The following NLRP3 variants were observed in gnomAD, a reference collection of about 807,000 sequenced individuals.
NLRP3 encodes the protein NLR family pyrin domain containing 3.
Under a neutral mutation model 91.3 loss-of-function variants are expected in NLRP3, and 48 were observed. That is an observed-to-expected ratio of 0.53 (90% CI 0.42 to 0.67). NLRP3 has a LOEUF of 0.67. NLRP3 is among the 30% of genes least tolerant of loss of function. The pLI, the probability that NLRP3 is intolerant of heterozygous loss-of-function variation, is 0.00. For synonymous variants in NLRP3, 561 were observed against 507.9 expected, an observed-to-expected ratio of 1.10 and a Z score of -1.41; for missense variants, 982 against 1,276.9, an observed-to-expected ratio of 0.77 and a Z score of 3.52.
chr1:247,431,516 G>A (rs563808331), intron 5 of NLRP3, among the ~76,000 whole-genome samples: 11 of 152,246 alleles, frequency 7.2e-5, no homozygotes, highest in Admixed American at 5.2e-4. Flanking sequence ...GTCACCACTT[G>A]CCTGGACACG....
rs902702898 is a variant in NLRP3 at position 247,425,721 on chromosome 1, T to A, written c.2150+122T>A. On this transcript the variant is annotated intron_variant, in intron 4 of 9. Transcript: ENST00000336119. This position sits in a 1 kb window ranked among gnomAD's most constrained non-coding sequence, Gnocchi z 4.1. ...TACTGTTGCCACAGCTACATCATAA[T>A]GCCACCACTGTCTGTTTGAGACTCC... is the stretch of plus-strand genomic sequence containing the variant. The A allele has an allele frequency of 2.3e-6, 2 of 879,684 alleles. No individual in the cohort carries two copies. Among genetic ancestry groups the A allele is most frequent in the Admixed American group, 2.0e-5 (1 of 50,632 alleles). 54.5% of individuals were successfully genotyped at this position (879,684 alleles called of 1,614,324 possible). A position where few individuals can be genotyped will look rare whatever the true frequency, so the allele number is the denominator to read the frequency against.
In NLRP3 at chr1:247,418,589, A is replaced by C. The variant is rs763505347; in HGVS notation, c.-212A>C. On this transcript the variant is annotated 5_prime_UTR_variant, in exon 2 of 10. Coordinates refer to ENST00000336119, the MANE Select transcript of NLRP3 (RefSeq NM_001243133.2). Reference sequence around the variant, plus strand: ...AGTGCTGGGATTACAGGCGTGAGCCACTGTGCCCGGCCTTGGCTAACTTTT... The same window carrying C: ...AGTGCTGGGATTACAGGCGTGAGCCCCTGTGCCCGGCCTTGGCTAACTTTT... 6.6e-6 allele frequency: 4 copies of C among 604,084 alleles called. No homozygotes were observed. The highest frequency in any genetic ancestry group is 1.8e-5 in the African/African-American group (1 of 54,086). 37.4% of individuals were successfully genotyped at this position (604,084 alleles called of 1,614,324 possible). A position where few individuals can be genotyped will look rare whatever the true frequency, so the allele number is the denominator to read the frequency against.
chr1:247,444,790 A>T lies in NLRP3; in HGVS notation c.2974A>T (p.Lys992Ter). 1 of 1,614,066 alleles carries T rather than the reference A, an allele frequency of 6.2e-7. No individual in the cohort carries two copies. Among genetic ancestry groups the T allele is most frequent in the African/African-American group, 1.3e-5 (1 of 75,032 alleles). ...GGTCATGATGTTCTGTGAAGTGCTG[A>T]AACAGCAGAGCTGCCTCCTGCAGAA... ...LGVMMFCEVL[K>*]QQSCLLQNLG... The change falls in exon 9 of 10, where the codon AAA becomes TAA. Residue 992 changes from lysine (K) to a stop codon, truncating the protein, a stop_gained. Transcript: ENST00000336119. LOFTEE classifies it low-confidence loss of function (END_TRUNC).
At chr1:247,437,822 T>C (rs1402458491) in intron 7 of NLRP3, among the ~76,000 whole-genome samples, 1 of 152,222 alleles carries the variant, frequency 6.6e-6, no homozygotes. Context: ...CGAGTGCCTC[T>C]CCGAGCGGGT....
chr1:247,434,676 G>C (rs533028850), intron 6 of NLRP3, among the ~76,000 whole-genome samples: 1 of 152,282 alleles, frequency 6.6e-6, no homozygotes, highest in South Asian at 2.1e-4. Context: ...TTCCCTGAGT[G>C]CTTCTGGGAG....
intron 7 of NLRP3, 61 bp from the exon 8 acceptor site, chr1:247,443,911 C>T: frequency 6.4e-7 from 1 of 1,555,598 alleles, no homozygotes; most frequent in Non-Finnish European, 8.8e-7. Flanking sequence ...TGAGTCAAAG[C>T]AGCTGCACAA....
chr1:247,417,654 G>A (rs1347589339), intron 1 of NLRP3, among the ~76,000 whole-genome samples: 1 of 152,052 alleles, frequency 6.6e-6, no homozygotes, highest in African/African-American at 2.4e-5. Context: ...GTTAATTTTT[G>A]TATTTTTAGT....
chr1:247,434,178 G>T lies in NLRP3; in HGVS notation c.2397G>T (p.Val799=). Residue 799 remains valine (V), a synonymous_variant, in exon 6 of 10, where the codon GTG becomes GTT. Coordinates refer to ENST00000336119, the MANE Select transcript of NLRP3 (RefSeq NM_001243133.2). ...TCCTCAGCAGCAACCAGAAGCTGGT[G>T]GAGCTGGACCTGAGTGACAACGCCC... ...SLVLSSNQKL[V]ELDLSDNALG... The T allele has an allele frequency of 6.2e-7, 1 of 1,614,240 alleles. No homozygotes were observed.
At chr1:247,417,168 C>T (rs887240967) in intron 1 of NLRP3, among the ~76,000 whole-genome samples, 9 of 152,160 alleles carry the variant, frequency 5.9e-5, no homozygotes, top group Admixed American at 5.9e-4. Flanking sequence ...ATTTTGTTGT[C>T]TTTGTCTTTG....
At chr1:247,439,792 C>A (rs190248477) in intron 7 of NLRP3, among the ~76,000 whole-genome samples, 1 of 122,114 alleles carries the variant, frequency 8.2e-6, no homozygotes, top group Non-Finnish European at 1.8e-5. Flanking sequence ...GTAGATCTAT[C>A]GATTGGGGCA....
chr1:247,419,762 T>A (rs1176930080), intron 2 of NLRP3, among the ~76,000 whole-genome samples: 1 of 152,212 alleles, frequency 6.6e-6, no homozygotes, highest in Non-Finnish European at 1.5e-5. Flanking sequence ...TCCCTTCCTT[T>A]AAAAAAGACT....
chr1:247,431,972 C>T (rs1663365523), intron 5 of NLRP3, among the ~76,000 whole-genome samples: 1 of 152,058 alleles, frequency 6.6e-6, no homozygotes, highest in Non-Finnish European at 1.5e-5. Flanking sequence ...GATCTCGGCT[C>T]ACTGCAACAT....
Position 247,444,724 on chromosome 1 carries a change from C to A in NLRP3, c.2908C>A (p.Arg970=), listed in dbSNP as rs1450171900. 2.5e-6 allele frequency: 4 copies of A among 1,614,114 alleles called. No homozygotes were observed. The East Asian group carries it at 8.9e-5, about 36-fold the overall frequency. ...ACTTCTGACCTCCAGCCAGAGCCTG[C>A]GAAAGCTGAGCCTGGGCAACAATGA... ...STLLTSSQSL[R]KLSLGNNDLG... The change falls in exon 9 of 10, where the codon CGA becomes AGA. Residue 970 remains arginine, a synonymous_variant. Transcript: ENST00000336119.
chr1:247,421,043 G>A (rs374365749), intron 2 of NLRP3, among the ~76,000 whole-genome samples: 2 of 152,176 alleles, frequency 1.3e-5, no homozygotes, highest in East Asian at 1.9e-4. Context: ...TGGAGTTTGG[G>A]GCAGAAGCCT....
At chr1:247,423,779 C>T in intron 3 of NLRP3, 68 bp from the exon 4 acceptor site, 1 of 1,397,770 alleles carries the variant, frequency 7.2e-7, no homozygotes, top group Non-Finnish European at 1.0e-6. Context: ...GATGACAGGC[C>T]CCAGCTGAGA....
rs188578497 is a variant in NLRP3, at chr1:247,445,213, T to C, written c.3005+392T>C. On this transcript the variant is annotated intron_variant, in intron 9 of 9. Coordinates refer to ENST00000336119, the MANE Select transcript of NLRP3 (RefSeq NM_001243133.2). ...TTGTTTCTGAGGATTTATTTTTTTT[T>C]TCCTTGAGACAGAGTCTTGCTCTGT... is the stretch of plus-strand genomic sequence containing the variant. 2.0e-5 allele frequency among the ~76,000 whole-genome samples: 3 copies of C among 152,292 alleles called. No individual in the cohort carries two copies. The East Asian group carries it at 5.8e-4, about 29-fold the overall frequency.
chr1:247,444,935 T>C (rs970579973), intron 9 of NLRP3, 114 bp downstream of exon 9: 2 of 1,137,728 alleles, frequency 1.8e-6, no homozygotes, highest in Non-Finnish European at 2.6e-6. Flanking sequence ...CAAGATTAGG[T>C]TGGGCCTGGG....
chr1:247,422,687 A>G (rs999428663), intron 2 of NLRP3, among the ~76,000 whole-genome samples: 1 of 152,190 alleles, frequency 6.6e-6, no homozygotes, highest in African/African-American at 2.4e-5. Flanking sequence ...GGGTGATTCT[A>G]AAGTCAGCCA....
intron 5 of NLRP3, among the ~76,000 whole-genome samples, chr1:247,433,286 C>T (rs1449181272): frequency 6.6e-6 from 1 of 152,104 alleles, no homozygotes; most frequent in Non-Finnish European, 1.5e-5. Context: ...GGGATGAAAT[C>T]GTCAAACACA....
Sources: allele counts gnomAD v4.1 joint callset (sites outside exome capture counted in the v4.1 genomes callset), GRCh38; gene constraint gnomAD v4.1.1; non-coding constraint Gnocchi (gnomAD v3.1); transcripts MANE v1.5; gene names NCBI Gene and HGNC (gene_info 2026-07-23, HGNC 2026-07-21).